RAD21L1: variants seen among roughly 807,000 people sequenced by gnomAD.
RAD21L1 encodes double-strand-break repair protein rad21-like protein 1.
A neutral mutation model predicts 69.0 loss-of-function variants in RAD21L1; 47 were observed. That is an observed-to-expected ratio of 0.68 (90% confidence interval 0.54 to 0.87). RAD21L1 has a LOEUF of 0.87. Ranked by LOEUF, RAD21L1 falls within the 40% of genes least tolerant of loss-of-function variation. The probability of loss-of-function intolerance (pLI) is 0.00; values close to 1 mark genes in which losing one functional copy is unlikely to be tolerated. For missense variants in RAD21L1, 583 were observed against 647.6 expected (o/e 0.90, Z 1.08); for synonymous variants, 177 against 205.8 (o/e 0.86, Z 1.20).
chr20:1,227,810 T>C (rs2087296647), intron 1 of RAD21L1, among the ~76,000 whole-genome samples: 1 of 152,222 alleles, frequency 6.6e-6, no homozygotes, highest in Non-Finnish European at 1.5e-5. Flanking sequence ...CTAATTATTT[T>C]CTTATAGTTT....
At chr20:1,243,558 T>A (rs1360059744) in intron 10 of RAD21L1, among the ~76,000 whole-genome samples, 2 of 152,176 alleles carry the variant, frequency 1.3e-5, no homozygotes, top group African/African-American at 2.4e-5. Context: ...ACATGAAAAG[T>A]CATGTAAGGA....
intron 1 of RAD21L1, 35 bp from the exon 2 acceptor site, chr20:1,228,387 A>G: frequency 8.2e-7 from 1 of 1,213,130 alleles, no homozygotes; most frequent in South Asian, 2.4e-5. Flanking sequence ...AGTTTTTGTA[A>G]TAAAATTTTA....
At chr20:1,251,551 C>T (rs1322344937) in intron 13 of RAD21L1, among the ~76,000 whole-genome samples, 2 of 151,884 alleles carry the variant, frequency 1.3e-5, no homozygotes, top group African/African-American at 4.8e-5. Flanking sequence ...GTTTCAAACT[C>T]CTGGCCTCAG....
chr20:1,233,528 A>G (rs1215443607), intron 4 of RAD21L1, among the ~76,000 whole-genome samples: 1 of 152,204 alleles, frequency 6.6e-6, no homozygotes, highest in African/African-American at 2.4e-5. Context: ...TGGGTGGCTT[A>G]TTAACAATAG....
chr20:1,239,452 G>T, intron 7 of RAD21L1, 45 bp downstream of exon 7: 1 of 1,020,988 alleles, frequency 9.8e-7, no homozygotes, highest in Admixed American at 2.1e-5. Flanking sequence ...GGTTACTAAT[G>T]TTTAAGCCTC....
intron 10 of RAD21L1, 65 bp from the exon 11 acceptor site, chr20:1,243,981 C>T (rs1482674600): frequency 3.0e-5 from 42 of 1,405,366 alleles, no homozygotes; most frequent in Admixed American, 6.2e-5. Flanking sequence ...TTTGTTACAA[C>T]CATATCACAA....
At chr20:1,250,029 C>T (rs111883306) in intron 13 of RAD21L1, among the ~76,000 whole-genome samples, 125 of 141,408 alleles carry the variant, frequency 8.8e-4, no homozygotes, top group Middle Eastern at 3.7e-3. Flanking sequence ...TGACAGGCCC[C>T]GGTGTGTGTT....
At chr20:1,253,443 C>T (rs977589193) in intron 13 of RAD21L1, among the ~76,000 whole-genome samples, 3 of 152,090 alleles carry the variant, frequency 2.0e-5, no homozygotes, top group Non-Finnish European at 4.4e-5. Context: ...ATTAGAGGCG[C>T]GTGCCACCAT....
Position 1,246,203 on chromosome 20 carries a change from G to T in RAD21L1, c.1309-10G>T. ...AGATTTACCTAACTTTCCCTAATTT[G>T]CTTCAGCAGGATATTGTTGAAATGG... On this transcript the variant is annotated splice_polypyrimidine_tract_variant and intron_variant, in intron 11 of 13. Coordinates refer to ENST00000683101, the MANE Select transcript of RAD21L1 (RefSeq NM_001384355.1). The surrounding 1 kb of genome is among the most constrained non-coding windows in gnomAD (Gnocchi z 4.6). The T allele has an allele frequency of 6.7e-7, 1 of 1,498,864 alleles. No individual in the cohort carries two copies. Among genetic ancestry groups the T allele is most frequent in the Non-Finnish European group, 9.0e-7 (1 of 1,116,044 alleles). The allele number at this position is 1,498,864 out of a possible 1,614,324, so 92.8% of individuals were successfully genotyped here.
intron 13 of RAD21L1, among the ~76,000 whole-genome samples, chr20:1,251,918 G>A (rs2087841768): frequency 1.3e-5 from 2 of 152,060 alleles, no homozygotes; most frequent in Admixed American, 1.3e-4. Context: ...CATTATATAA[G>A]TCTTGACATA....
Position 1,230,027 on chromosome 20 carries a change from ATTTGTCTCC to A in RAD21L1, c.274+21_274+29del. ...TTGCCCAGGTATACATGTAATATTG[ATTTGTCTCC>A]TTCTTGGTTCCCTTTTGCATTTTAA... On this transcript the variant is annotated intron_variant, in intron 3 of 13. Coordinates refer to ENST00000683101, the MANE Select transcript of RAD21L1 (RefSeq NM_001384355.1). 6.6e-7 allele frequency: 1 copy of A among 1,525,004 alleles called. No individual in the cohort carries two copies. Among genetic ancestry groups the A allele is most frequent in the Middle Eastern group, 1.7e-4 (1 of 5,906 alleles). The allele number at this position is 1,525,004 out of a possible 1,614,324, so 94.5% of individuals were successfully genotyped here. A position where few individuals can be genotyped will look rare whatever the true frequency, so the allele number is the denominator to read the frequency against.
chr20:1,230,027 A>G lies in RAD21L1; in HGVS notation c.274+18A>G. ...TTGCCCAGGTATACATGTAATATTG[A>G]TTTGTCTCCTTCTTGGTTCCCTTTT... is the stretch of plus-strand genomic sequence containing the variant. On this transcript the variant is annotated intron_variant, in intron 3 of 13. Transcript: ENST00000683101. The G allele has an allele frequency of 6.6e-7, 1 of 1,525,004 alleles. No homozygotes were observed. The highest frequency in any genetic ancestry group is 8.9e-7 in the Non-Finnish European group (1 of 1,127,368). 94.5% of individuals were successfully genotyped at this position (1,525,004 alleles called of 1,614,324 possible).
At chr20:1,238,011 A>G (rs192830752) in intron 5 of RAD21L1, 33 bp from the exon 6 acceptor site, 2 of 1,179,210 alleles carry the variant, frequency 1.7e-6, no homozygotes, top group East Asian at 2.6e-5. Context: ...CTGTGTTTCT[A>G]TGAATTAGTA....
chr20:1,230,072 G>C, intron 3 of RAD21L1, 63 bp downstream of exon 3: 2 of 1,306,326 alleles, frequency 1.5e-6, no homozygotes, highest in Admixed American at 4.2e-5. Context: ...TTGGGGGTGG[G>C]ATCTTTTAAT....
chr20:1,238,110 G>A lies in RAD21L1; in HGVS notation c.542G>A (p.Gly181Asp), dbSNP rs777160964. ...FDDNILLNSS[G>D]PLIEHSSGSL... ...GACAACATATTACTGAATTCCAGTGGTCCTTTAATTGAACATAGTTCTGGA... is the reference window on the plus strand; with the variant it reads ...GACAACATATTACTGAATTCCAGTGATCCTTTAATTGAACATAGTTCTGGA... The change falls in exon 6 of 14, where the codon GGT becomes GAT. Residue 181 changes from glycine (G) to aspartate (D), a missense_variant. Physicochemically the swap from Gly to Asp is moderately conservative, Grantham distance 94 (BLOSUM62 -1). Coordinates refer to ENST00000683101, the MANE Select transcript of RAD21L1 (RefSeq NM_001384355.1). 1.9e-6 allele frequency: 3 copies of A among 1,541,726 alleles called. No individual in the cohort carries two copies. Among genetic ancestry groups the A allele is most frequent in the East Asian group, 2.5e-5 (1 of 40,796 alleles).
Position 1,246,816 on chromosome 20 carries a change from G to A in RAD21L1, c.1401+511G>A, listed in dbSNP as rs2087726588. 6.6e-6 allele frequency among the ~76,000 whole-genome samples: 1 copy of A among 152,116 alleles called. No individual in the cohort carries two copies. Among genetic ancestry groups the A allele is most frequent in the Admixed American group, 6.6e-5 (1 of 15,248 alleles). On this transcript the variant is annotated intron_variant, in intron 12 of 13. Transcript: ENST00000683101. This position sits in a 1 kb window ranked among gnomAD's most constrained non-coding sequence, Gnocchi z 4.6. ...CCACATGTCAATAGCAAAGACAGAA[G>A]TAAAGTCTGATTTCCCTGACTCCCT...
rs745657207 is a variant in RAD21L1, at chr20:1,231,522, T to A, written c.275-4T>A. 24 of 1,470,938 alleles carry A rather than the reference T, an allele frequency of 1.6e-5. No individual in the cohort carries two copies. In the South Asian group the frequency reaches 2.9e-4, roughly 18 times the overall value. The allele number at this position is 1,470,938 out of a possible 1,614,324, so 91.1% of individuals were successfully genotyped here. ...TATTGAGTATGGTTTTTGATCCTTT[T>A]CAGGACTGGTTGACCTTCCAAAAGA... On this transcript the variant is annotated splice_polypyrimidine_tract_variant and splice_region_variant and intron_variant, in intron 3 of 13. Transcript: ENST00000683101.
intron 1 of RAD21L1, 170 bp downstream of exon 1, chr20:1,226,310 C>T (rs1240071621): frequency 3.3e-5 from 5 of 152,144 alleles, no homozygotes; most frequent in African/African-American, 1.2e-4. Context: ...AGGTCGTCGC[C>T]CGCAGCCCAG....
rs1197517604 is a variant in RAD21L1 at position 1,246,281 on chromosome 20, A to T, written c.1377A>T (p.Glu459Asp). Residue 459 changes from glutamate to aspartate, a missense_variant, in exon 12 of 14, where the codon GAA becomes GAT. Coordinates refer to ENST00000683101, the MANE Select transcript of RAD21L1 (RefSeq NM_001384355.1). The surrounding 1 kb of genome is among the most constrained non-coding windows in gnomAD (Gnocchi z 4.6). Reference sequence around the variant, plus strand: ...TAATGAATGACTTATTTGCACAAGAAATTGAATATAGTCCAGTTGAATTGG... The same window carrying T: ...TAATGAATGACTTATTTGCACAAGATATTGAATATAGTCCAGTTGAATTGG... ...SSLMNDLFAQ[E>D]IEYSPVELES... is the part of the protein sequence containing the mutation. 1 of 1,527,172 alleles carries T rather than the reference A, an allele frequency of 6.5e-7. No individual in the cohort carries two copies. The highest frequency in any genetic ancestry group is 1.4e-5 in the African/African-American group (1 of 71,986). 94.6% of individuals were successfully genotyped at this position (1,527,172 alleles called of 1,614,324 possible).
Sources: allele counts gnomAD v4.1 joint callset (sites outside exome capture counted in the v4.1 genomes callset), GRCh38; gene constraint gnomAD v4.1.1; non-coding constraint Gnocchi (gnomAD v3.1); transcripts MANE v1.5; gene names NCBI Gene and HGNC (gene_info 2026-07-23, HGNC 2026-07-21).